The following VPS54 variants were observed in gnomAD, a reference collection of about 807,000 sequenced individuals.
The protein encoded by VPS54 is VPS54 subunit of GARP complex.
In VPS54, 45 loss-of-function variants were observed where a neutral mutation model predicts 121.5. The ratio of observed to expected loss-of-function variants is 0.37; its 90% CI spans 0.29 to 0.47. The LOEUF (loss-of-function observed/expected upper bound fraction) is 0.47. Among genes scored for constraint, VPS54 ranks in the 20% least tolerant of loss-of-function variants. The probability of loss-of-function intolerance (pLI) is 0.99; values close to 1 mark genes in which losing one functional copy is unlikely to be tolerated. For synonymous variants in VPS54, 371 were observed against 385.8 expected (o/e 0.96, Z 0.45); for missense variants, 1,090 against 1,131.4 (o/e 0.96, Z 0.52).
At position 64,011,526 on chromosome 2, in the gene VPS54, A is replaced by C. The variant is rs192749902; in HGVS notation, c.-21+7412T>G. Among the ~76,000 whole-genome samples, 1,042 of 152,216 alleles carry C rather than the reference A, an allele frequency of 6.8e-3. 8 individuals are homozygous for C. The highest frequency in any genetic ancestry group is 5.8e-3 in the Non-Finnish European group (394 of 68,010). ...GGTTGCAGTGAGCCGTGATTATACC[A>C]CTGCACTCCAGCTTAGCAACAGAGC... On this transcript the variant is annotated intron_variant, in intron 1 of 22. Coordinates refer to ENST00000272322, the MANE Select transcript of VPS54 (RefSeq NM_016516.3).
chr2:63,943,375 T>C (rs536961414), intron 10 of VPS54, among the ~76,000 whole-genome samples: 5 of 152,310 alleles, frequency 3.3e-5, no homozygotes, highest in Admixed American at 3.3e-4. Context: ...TCTCTACTTC[T>C]ATGGAGAAAA....
At position 63,987,518 on chromosome 2, in the gene VPS54, T is replaced by G. The variant is rs188805461; in HGVS notation, c.-20-3499A>C. Among the ~76,000 whole-genome samples, 410 of 152,322 alleles carry G rather than the reference T, an allele frequency of 2.7e-3. 2 individuals are homozygous for G. Among genetic ancestry groups the G allele is most frequent in the African/African-American group, 9.7e-3 (405 of 41,576 alleles). On this transcript the variant is annotated intron_variant, in intron 1 of 22. Coordinates refer to ENST00000272322, the MANE Select transcript of VPS54 (RefSeq NM_016516.3). ...AGCTTTGTTTATTCCAAGTCTTTTG[T>G]GGTTCTATATAAATTTCAAGATTGT...
chr2:63,932,543 A>C (rs1281556474), intron 12 of VPS54, among the ~76,000 whole-genome samples: 1 of 152,078 alleles, frequency 6.6e-6, no homozygotes, highest in Non-Finnish European at 1.5e-5. Flanking sequence ...CATTAGGAGA[A>C]ATACCTAATG....
chr2:63,952,451 C>T (rs1400131186), intron 7 of VPS54, among the ~76,000 whole-genome samples: 1 of 152,000 alleles, frequency 6.6e-6, no homozygotes, highest in Non-Finnish European at 1.5e-5. Flanking sequence ...AAACTATATC[C>T]ACACTACATT....
Position 63,893,077 on chromosome 2 carries a change from G to A in VPS54, c.*353C>T, listed in dbSNP as rs571711178. On this transcript the variant is annotated 3_prime_UTR_variant, in exon 23 of 23. Coordinates refer to ENST00000272322, the MANE Select transcript of VPS54 (RefSeq NM_016516.3). Reference sequence around the variant, plus strand: ...TGAATTTCATTGCACTGGAAGAAATGCAAAGCATTTTTTAATATAAAGTAT... The same window carrying A: ...TGAATTTCATTGCACTGGAAGAAATACAAAGCATTTTTTAATATAAAGTAT... 4 of 204,824 alleles carry A rather than the reference G, an allele frequency of 2.0e-5. No homozygotes were observed. The highest frequency in any genetic ancestry group is 1.7e-4 in the Admixed American group (3 of 18,054). The allele number at this position is 204,824 out of a possible 1,614,324, so 12.7% of individuals were successfully genotyped here. A position where few individuals can be genotyped will look rare whatever the true frequency, so the allele number is the denominator to read the frequency against.
rs1268502552 is a variant in VPS54, at chr2:63,933,944, C to T, written c.1468G>A (p.Glu490Lys). The stretch of plus-strand genomic sequence containing the variant: ...GCATTCTTCTGTTGTGAAATCTCTT[C>T]CAATTCTCTAGTCCTTTGGTTTTTG... ...LDKNQRTREL[E>K]EISQQKNAAK... The change falls in exon 12 of 23, where the codon GAA (glutamate) becomes AAA (lysine). Residue 490 changes from glutamate to lysine, a missense_variant. Physicochemically the swap from Glu to Lys is moderately conservative, Grantham distance 56. Transcript: ENST00000272322. 3 of 1,613,638 alleles carry T rather than the reference C, an allele frequency of 1.9e-6. No homozygotes were observed. The highest frequency in any genetic ancestry group is 2.5e-6 in the Non-Finnish European group (3 of 1,179,768).
chr2:63,939,705 G>A (rs774168903), intron 11 of VPS54, among the ~76,000 whole-genome samples: 1 of 150,986 alleles, frequency 6.6e-6, no homozygotes, highest in Non-Finnish European at 1.5e-5. Context: ...AGATAAAAGG[G>A]TTAAAAAAAA....
At chr2:63,924,837 T>C (rs1673821944) in intron 12 of VPS54, among the ~76,000 whole-genome samples, 1 of 152,118 alleles carries the variant, frequency 6.6e-6, no homozygotes, top group East Asian at 1.9e-4. Context: ...GCCTTTTCAA[T>C]AAATGGTGCA....
At chr2:63,997,571 G>C (rs1244132406) in intron 1 of VPS54, among the ~76,000 whole-genome samples, 5 of 151,810 alleles carry the variant, frequency 3.3e-5, no homozygotes, top group African/African-American at 4.8e-5. Context: ...CTGATCTTTT[G>C]GGGTCTTCTT....
chr2:63,970,840 C>G (rs1676251989), intron 4 of VPS54, among the ~76,000 whole-genome samples: 1 of 152,108 alleles, frequency 6.6e-6, no homozygotes, highest in East Asian at 1.9e-4. Flanking sequence ...CTGTTCACAT[C>G]TTCCCTGGGC....
chr2:64,006,852 C>T (rs913568878), intron 1 of VPS54, among the ~76,000 whole-genome samples: 5 of 152,222 alleles, frequency 3.3e-5, no homozygotes, highest in African/African-American at 7.2e-5. Context: ...CTCCTGACCT[C>T]AGGTGATCCA....
intron 11 of VPS54, among the ~76,000 whole-genome samples, chr2:63,938,059 G>GTGTGTGTGTGT (rs9309357): frequency 1.8e-4 from 25 of 140,476 alleles, no homozygotes; most frequent in African/African-American, 5.8e-4. Context: ...TGGTGTGTGT[G>GTGTGTGTGTGT]GTGTGTGTGT....
intron 12 of VPS54, among the ~76,000 whole-genome samples, chr2:63,921,577 G>C (rs1484318399): frequency 6.6e-6 from 1 of 151,928 alleles, no homozygotes; most frequent in Non-Finnish European, 1.5e-5. Flanking sequence ...ACCCAGGCTG[G>C]AGTGCAGTGG....
At chr2:63,902,159 T>C (rs2104407456) in intron 20 of VPS54, among the ~76,000 whole-genome samples, 1 of 152,266 alleles carries the variant, frequency 6.6e-6, no homozygotes, top group South Asian at 2.1e-4. Context: ...CTACCTAAGA[T>C]GGAGACCAGA....
rs182907456 is a variant in VPS54, at chr2:64,007,447, T to C, written c.-21+11491A>G. 3.7e-4 allele frequency among the ~76,000 whole-genome samples: 57 copies of C among 152,348 alleles called. No homozygotes were observed. In the East Asian group the frequency reaches 0.011, roughly 29 times the overall value. Reference sequence around the variant, plus strand: ...TTTAAAAGAATATCTGGCTTGACTTTCTACTTCATATATAAATCCTTTCTA... The same window carrying C: ...TTTAAAAGAATATCTGGCTTGACTTCCTACTTCATATATAAATCCTTTCTA... On this transcript the variant is annotated intron_variant, in intron 1 of 22. Transcript: ENST00000272322.
intron 1 of VPS54, among the ~76,000 whole-genome samples, chr2:64,001,118 C>T (rs1435869122): frequency 1.3e-5 from 2 of 152,220 alleles, no homozygotes; most frequent in Non-Finnish European, 2.9e-5. Flanking sequence ...TTCTCTCTCC[C>T]CTTTCCACAG....
chr2:63,981,987 C>T lies in VPS54; in HGVS notation c.137-100G>A, dbSNP rs984127396. 9 of 1,229,278 alleles carry T rather than the reference C, an allele frequency of 7.3e-6. No individual in the cohort carries two copies. In the Admixed American group the frequency reaches 1.3e-4, roughly 18 times the overall value. The allele number at this position is 1,229,278 out of a possible 1,614,324, so 76.1% of individuals were successfully genotyped here. On this transcript the variant is annotated intron_variant, in intron 2 of 22. Coordinates refer to ENST00000272322, the MANE Select transcript of VPS54 (RefSeq NM_016516.3). ...CTAAAAATGCACAGATTCCATCTTA[C>T]GCAAACCAACTAATCTTCCACAGTA...
chr2:63,895,166 C>T (rs932939247), intron 22 of VPS54, among the ~76,000 whole-genome samples: 8 of 152,076 alleles, frequency 5.3e-5, no homozygotes, highest in African/African-American at 1.9e-4. Context: ...TTAAAAAGTA[C>T]AGAGCTGGGC....
At chr2:63,941,664 A>G (rs764330103) in intron 11 of VPS54, among the ~76,000 whole-genome samples, 14 of 152,194 alleles carry the variant, frequency 9.2e-5, no homozygotes, top group Admixed American at 2.6e-4. Context: ...TGGCTTGACT[A>G]AAGAGACAAA....
Sources: gnomAD v4.1 joint callset for allele counts (sites outside exome capture counted in the v4.1 genomes callset) on GRCh38, gnomAD v4.1.1 for gene constraint, MANE v1.5 for transcripts, NCBI Gene and HGNC (gene_info 2026-07-23, HGNC 2026-07-21) for gene names.